MGAT4B: variants seen among roughly 807,000 people sequenced by gnomAD.
The protein encoded by MGAT4B is N-acetylglucosaminyltransferase IVb.
MGAT4B carries 38 observed loss-of-function variants against 73.9 expected under a neutral mutation model. The observed-to-expected ratio is 0.51, with a 90% CI of 0.40 to 0.67. MGAT4B has a LOEUF of 0.67. Ranked by LOEUF, MGAT4B falls within the 30% of genes least tolerant of loss-of-function variation. The probability of loss-of-function intolerance (pLI) is 0.00; values close to 1 mark genes in which losing one functional copy is unlikely to be tolerated. For missense variants in MGAT4B, 686 were observed against 735.2 expected (o/e 0.93, Z 0.77); for synonymous variants, 373 against 313.5 (o/e 1.19, Z -2.01).
rs1756751769 is a variant in MGAT4B at position 179,798,430 on chromosome 5, G to A, written c.1427C>T (p.Pro476Leu). Reference sequence around the variant, plus strand: ...CTGCAGGGCCTCCTTGTCTGACTGAGGGTTCTGGGGGCAGAATCAAGGGCT... The same window carrying A: ...CTGCAGGGCCTCCTTGTCTGACTGAAGGTTCTGGGGGCAGAATCAAGGGCT... ...TSVEVLPFDN[P>L]QSDKEALQEG... The change falls in exon 13 of 15, where the codon CCT becomes CTT. Residue 476 changes from proline (P) to leucine (L), a missense_variant. Coordinates refer to ENST00000292591, the MANE Select transcript of MGAT4B (RefSeq NM_014275.5). 6.2e-7 allele frequency: 1 copy of A among 1,612,416 alleles called. No homozygotes were observed. Among genetic ancestry groups the A allele is most frequent in the Non-Finnish European group, 8.5e-7 (1 of 1,179,736 alleles).
rs1756937734 is a variant in MGAT4B, at chr5:179,801,613, A to C, written c.365T>G (p.Leu122Arg). 6.2e-7 allele frequency: 1 copy of C among 1,605,828 alleles called. No individual in the cohort carries two copies. The highest frequency in any genetic ancestry group is 1.3e-5 in the African/African-American group (1 of 74,910). The change falls in exon 3 of 15, where the codon CTG (leucine) becomes CGG (arginine). Residue 122 changes from leucine (L) to arginine (R), a missense_variant. Around this residue, in one of 2 missense-constraint regions of MGAT4B, gnomAD observed 237 missense variants for 198.5 expected, o/e 1.19. Coordinates refer to ENST00000292591, the MANE Select transcript of MGAT4B (RefSeq NM_014275.5). This position sits in a 1 kb window ranked among gnomAD's most constrained non-coding sequence, Gnocchi z 4.8. ...CTGCAGACTGCTCTCCTTGGCCAGC[A>C]GGTGTGGCAGGTGATGGAAGACGGT... Reference protein sequence around the residue: ...LPTVFHHLPHLLAKESSLQPA... With the variant: ...LPTVFHHLPHRLAKESSLQPA...
Position 179,801,210 on chromosome 5 carries a change from A to G in MGAT4B, c.558+124T>C. The G allele has an allele frequency of 7.3e-7, 1 of 1,375,158 alleles. No homozygotes were observed. Among genetic ancestry groups the G allele is most frequent in the African/African-American group, 1.4e-5 (1 of 69,146 alleles). 85.2% of individuals were successfully genotyped at this position (1,375,158 alleles called of 1,614,324 possible). A position where few individuals can be genotyped will look rare whatever the true frequency, so the allele number is the denominator to read the frequency against. Reference sequence around the variant, plus strand: ...CCCTTTCAACTTTCTATCTCGGAGCATTTGCGAATGAAACTAGCAACTGAA... The same window carrying G: ...CCCTTTCAACTTTCTATCTCGGAGCGTTTGCGAATGAAACTAGCAACTGAA... On this transcript the variant is annotated intron_variant, in intron 4 of 14. Transcript: ENST00000292591. This position sits in a 1 kb window ranked among gnomAD's most constrained non-coding sequence, Gnocchi z 4.8.
Position 179,798,934 on chromosome 5 carries a change from A to G in MGAT4B, c.1337T>C (p.Leu446Pro). Residue 446 changes from leucine (L) to proline (P), a missense_variant, in exon 11 of 15, where the codon CTG becomes CCG. This residue lies in a region of MGAT4B where 449 missense variants were observed against 536.8 expected (regional missense o/e 0.84). Coordinates refer to ENST00000292591, the MANE Select transcript of MGAT4B (RefSeq NM_014275.5). The stretch of plus-strand genomic sequence containing the variant: ...CCATGGTGCTGGCACTGACCGCTCC[A>G]GTCTTAGAGGTTGGAAGAAGCGGAA... ...IRFRFFQPLRLERFFFRSGNI... is the reference protein window; with the variant it reads ...IRFRFFQPLRPERFFFRSGNI... 2 of 1,613,476 alleles carry G rather than the reference A, an allele frequency of 1.2e-6. No homozygotes were observed. Among genetic ancestry groups the G allele is most frequent in the Non-Finnish European group, 8.5e-7 (1 of 1,180,010 alleles).
rs514952 is a variant in MGAT4B at position 179,800,072 on chromosome 5, C to T, written c.796-4G>A. On this transcript the variant is annotated splice_region_variant and splice_polypyrimidine_tract_variant and intron_variant, in intron 7 of 14. Coordinates refer to ENST00000292591, the MANE Select transcript of MGAT4B (RefSeq NM_014275.5). ...TGGCCACGATGTCATCCTCCAGCTG[C>T]GAGGTGAGCAGAGAGGGGCTGGGGC... is the stretch of plus-strand genomic sequence containing the variant. The T allele has an allele frequency of 2.0e-5, 32 of 1,613,374 alleles. No individual in the cohort carries two copies. The East Asian group carries it at 2.4e-4, about 12-fold the overall frequency.
intron 8 of MGAT4B, 109 bp downstream of exon 8, chr5:179,799,845 G>A: frequency 7.8e-7 from 1 of 1,281,800 alleles, no homozygotes; most frequent in South Asian, 1.3e-5. Flanking sequence ...CGCACACCAG[G>A]CAGGGCCCAC....
chr5:179,803,320 C>G (rs1249991368), intron 1 of MGAT4B: 1 of 964,128 alleles, frequency 1.0e-6, no homozygotes, highest in Non-Finnish European at 1.2e-6. Flanking sequence ...AGTCAGATTA[C>G]TGGCTCTGCC....
intron 1 of MGAT4B, among the ~76,000 whole-genome samples, chr5:179,803,976 G>A (rs1049962854): frequency 1.3e-5 from 2 of 152,202 alleles, no homozygotes; most frequent in African/African-American, 2.4e-5. Context: ...TATAACCCTC[G>A]GGAGCTGGGG....
In MGAT4B at chr5:179,806,232, C is replaced by G. The variant is rs1757147205; in HGVS notation, c.97+255G>C. On this transcript the variant is annotated intron_variant, in intron 1 of 14. Coordinates refer to ENST00000292591, the MANE Select transcript of MGAT4B (RefSeq NM_014275.5). The surrounding 1 kb of genome is among the most constrained non-coding windows in gnomAD (Gnocchi z 4.6). ...CCTCTCCGAGAACCCCACGGGTCCC[C>G]AGCTCAGCGTCGGGACAGCTGCGCC... 5.9e-6 allele frequency: 1 copy of G among 168,676 alleles called. No homozygotes were observed. The highest frequency in any genetic ancestry group is 1.3e-5 in the Non-Finnish European group (1 of 79,364). The allele number at this position is 168,676 out of a possible 1,614,324, so 10.4% of individuals were successfully genotyped here. A position where few individuals can be genotyped will look rare whatever the true frequency, so the allele number is the denominator to read the frequency against.
chr5:179,803,420 T>G (rs1168529198), intron 1 of MGAT4B: 5 of 270,042 alleles, frequency 1.9e-5, no homozygotes, highest in Non-Finnish European at 1.7e-5. Flanking sequence ...CACCCATTGC[T>G]GGGTGACACC....
Position 179,806,054 on chromosome 5 carries a change from C to G in MGAT4B, c.97+433G>C, listed in dbSNP as rs1282613788. On this transcript the variant is annotated intron_variant, in intron 1 of 14. Transcript: ENST00000292591. This position sits in a 1 kb window ranked among gnomAD's most constrained non-coding sequence, Gnocchi z 4.6. The stretch of plus-strand genomic sequence containing the variant: ...TGGGCGCCGAAGGGAGTCCCAGGAC[C>G]GGGTGTCACGCCGGGGTCGCCCAGG... 6.8e-6 allele frequency: 1 copy of G among 146,294 alleles called. No individual in the cohort carries two copies. The highest frequency in any genetic ancestry group is 2.2e-4 in the East Asian group (1 of 4,516). 9.1% of individuals were successfully genotyped at this position (146,294 alleles called of 1,614,324 possible).
chr5:179,797,787 G>T lies in MGAT4B; in HGVS notation c.*258C>A. The stretch of plus-strand genomic sequence containing the variant: ...AAGCTCTTCTAAAACGGCCTGACTG[G>T]GGCAGGCCGGGTGCGAACGGTTCCG... On this transcript the variant is annotated 3_prime_UTR_variant, in exon 15 of 15. Coordinates refer to ENST00000292591, the MANE Select transcript of MGAT4B (RefSeq NM_014275.5). 1 of 454,396 alleles carries T rather than the reference G, an allele frequency of 2.2e-6. No individual in the cohort carries two copies. The highest frequency in any genetic ancestry group is 4.1e-5 in the Admixed American group (1 of 24,372). 28.1% of individuals were successfully genotyped at this position (454,396 alleles called of 1,614,324 possible).
At position 179,802,020 on chromosome 5, in the gene MGAT4B, CG is replaced by C. The variant is rs765760728; in HGVS notation, c.98-52del. The C allele has an allele frequency of 3.1e-6, 5 of 1,612,788 alleles. No individual in the cohort carries two copies. In the Admixed American group the frequency reaches 6.7e-5, roughly 22 times the overall value. On this transcript the variant is annotated intron_variant, in intron 1 of 14. Transcript: ENST00000292591. Reference sequence around the variant, plus strand: ...GAGGGGGCGGTCTAGAGCCACCCTACGGGCCCCTCCAGTGTGCCAGCGCACA... The same window carrying C: ...GAGGGGGCGGTCTAGAGCCACCCTACGGCCCCTCCAGTGTGCCAGCGCACA...
At chr5:179,805,640 T>C (rs1234556311) in intron 1 of MGAT4B, among the ~76,000 whole-genome samples, 1 of 152,190 alleles carries the variant, frequency 6.6e-6, no homozygotes, top group Non-Finnish European at 1.5e-5. Context: ...GGGATGGCGC[T>C]CCGGGACAGG....
chr5:179,800,415 C>CA (rs1396714708), intron 6 of MGAT4B, 69 bp downstream of exon 6: 13 of 1,420,948 alleles, frequency 9.1e-6, no homozygotes, highest in Non-Finnish European at 1.3e-5. Context: ...ACCCTGGACT[C>CA]AAACACCAGT....
Position 179,798,516 on chromosome 5 carries a change from G to A in MGAT4B, c.1419C>T (p.Phe473=), listed in dbSNP as rs775809340. The stretch of plus-strand genomic sequence containing the variant: ...ACACCACACCCACCGAACTTACGTC[G>A]AAGGGCAGCACCTCCACAGACGTGT... ...LFNTSVEVLP[F]DNPQSDKEAL... is the part of the protein sequence containing the mutation. Residue 473 remains phenylalanine, a synonymous_variant, in exon 12 of 15, where the codon TTC becomes TTT. Transcript: ENST00000292591. 1.7e-5 allele frequency: 27 copies of A among 1,613,518 alleles called. No individual in the cohort carries two copies. Among genetic ancestry groups the A allele is most frequent in the Non-Finnish European group, 2.0e-5 (24 of 1,180,016 alleles).
intron 5 of MGAT4B, 114 bp downstream of exon 5, chr5:179,800,793 T>C (rs1485845151): frequency 2.5e-6 from 3 of 1,186,324 alleles, no homozygotes; most frequent in African/African-American, 3.2e-5. Context: ...ACCAGGTCCC[T>C]GCCTCCCCAC....
intron 6 of MGAT4B, 103 bp from the exon 7 acceptor site, chr5:179,800,362 G>A: frequency 4.1e-6 from 6 of 1,467,920 alleles, no homozygotes; most frequent in South Asian, 2.3e-5. Flanking sequence ...CCACCCCCAT[G>A]CACGGGTCCT....
At chr5:179,798,903 G>A (rs752278018) in intron 11 of MGAT4B, 25 bp downstream of exon 11, 49 of 1,612,550 alleles carry the variant, frequency 3.0e-5, no homozygotes, top group South Asian at 2.4e-4. Flanking sequence ...CGCCCCCATC[G>A]CAGACCCATG....
At position 179,800,187 on chromosome 5, in the gene MGAT4B, C is replaced by A. The variant is rs1756848000; in HGVS notation, c.792G>T (p.Val264=). The A allele has an allele frequency of 6.2e-7, 1 of 1,613,562 alleles. No individual in the cohort carries two copies. Among genetic ancestry groups the A allele is most frequent in the Non-Finnish European group, 8.5e-7 (1 of 1,179,998 alleles). The change falls in exon 7 of 15, where the codon GTG becomes GTT. Residue 264 remains valine, a synonymous_variant. Transcript: ENST00000292591. ...CAACGCAGGGCTTGGGGCTGACCTG[C>A]ACGTAGTAGATGCCTTTGGACTGCG... ...MYAQSKGIYY[V]QLEDDIVAKP... is the part of the protein sequence containing the mutation.
Sources: gnomAD v4.1 joint callset for allele counts (sites outside exome capture counted in the v4.1 genomes callset) on GRCh38, gnomAD v4.1.1 for gene constraint, gnomAD v4.1.1 regional missense constraint, Gnocchi (gnomAD v3.1) non-coding constraint, MANE v1.5 for transcripts, NCBI Gene and HGNC (gene_info 2026-07-23, HGNC 2026-07-21) for gene names.